PPARG: variants seen among roughly 807,000 people sequenced by gnomAD.
PPARG encodes the protein peroxisome proliferator activated receptor gamma.
PPARG carries 17 observed loss-of-function variants against 39.2 expected under a neutral mutation model. That is an observed-to-expected ratio of 0.43 (90% confidence interval 0.30 to 0.65). The LOEUF (loss-of-function observed/expected upper bound fraction) is 0.65. Among genes scored for constraint, PPARG ranks in the 30% least tolerant of loss-of-function variants. PPARG has a pLI of 0.13. For synonymous variants in PPARG, 223 were observed against 215.7 expected, an observed-to-expected ratio of 1.03 and a Z score of -0.30; for missense variants, 406 against 585.9, an observed-to-expected ratio of 0.69 and a Z score of 3.17.
At chr3:12,351,224 TCTCTG>T (rs1202326667) in intron 2 of PPARG, among the ~76,000 whole-genome samples, 1 of 152,200 alleles carries the variant, frequency 6.6e-6, no homozygotes, top group Non-Finnish European at 1.5e-5. Context: ...TATTGAACAG[TCTCTG>T]CTCTGATAAT....
chr3:12,313,961 T>C (rs1425653331), intron 2 of PPARG, among the ~76,000 whole-genome samples: 2 of 152,182 alleles, frequency 1.3e-5, no homozygotes, highest in Non-Finnish European at 2.9e-5. Context: ...AATTGCTGCA[T>C]GCAACTTCCA....
chr3:12,370,046 T>G (rs944360501), intron 2 of PPARG, among the ~76,000 whole-genome samples: 2 of 152,146 alleles, frequency 1.3e-5, no homozygotes, highest in African/African-American at 4.8e-5. Flanking sequence ...TCCCATCTTT[T>G]CTCTTCTTGG....
chr3:12,292,890 C>G (rs1230783525), intron 1 of PPARG, among the ~76,000 whole-genome samples: 10 of 152,178 alleles, frequency 6.6e-5, no homozygotes. Context: ...ACTGGCAAGC[C>G]ACTCTGCCCA....
At chr3:12,394,328 T>C (rs796739979) in intron 5 of PPARG, among the ~76,000 whole-genome samples, 4 of 152,366 alleles carry the variant, frequency 2.6e-5, no homozygotes, top group African/African-American at 7.2e-5. Flanking sequence ...CATACATTGA[T>C]GTAAAATATA....
intron 2 of PPARG, among the ~76,000 whole-genome samples, chr3:12,371,273 C>A (rs1171555205): frequency 6.6e-6 from 1 of 152,110 alleles, no homozygotes; most frequent in East Asian, 1.9e-4. Flanking sequence ...TGGATTGGAA[C>A]CTCGGGCATC....
At chr3:12,393,733 A>T (rs1226004741) in intron 5 of PPARG, among the ~76,000 whole-genome samples, 1 of 152,128 alleles carries the variant, frequency 6.6e-6, no homozygotes, top group African/African-American at 2.4e-5. Flanking sequence ...GTAAGAAGGC[A>T]GTCTTCATCT....
intron 2 of PPARG, among the ~76,000 whole-genome samples, chr3:12,329,166 C>CAA (rs35196430): frequency 1.6e-5 from 2 of 125,388 alleles, no homozygotes; most frequent in African/African-American, 6.0e-5. Flanking sequence ...ACTCAAAATG[C>CAA]AAAAAAAAAA....
intron 2 of PPARG, among the ~76,000 whole-genome samples, chr3:12,349,040 C>T (rs1375953735): frequency 6.6e-6 from 1 of 152,090 alleles, no homozygotes; most frequent in Non-Finnish European, 1.5e-5. Flanking sequence ...TGTACTTAAA[C>T]AAATATATTG....
intron 2 of PPARG, among the ~76,000 whole-genome samples, chr3:12,343,783 T>G (rs750278722): frequency 1.3e-5 from 2 of 151,970 alleles, no homozygotes; most frequent in Non-Finnish European, 2.9e-5. Context: ...CAGCCCATTA[T>G]CTAATCATAA....
rs115041696 is a variant in PPARG, at chr3:12,357,392, C to T, written c.-8-22312C>T. Among the ~76,000 whole-genome samples the T allele has an allele frequency of 9.7e-3, 1,476 of 152,202 alleles. 9 individuals carry two copies. The highest frequency in any genetic ancestry group is 0.015 in the Non-Finnish European group (1,044 of 68,010). ...CACCTGCCCCAGCTCTTGTTCCTGT[C>T]CAGGACCCTCTTCCTCTGGCATTCT... is the stretch of plus-strand genomic sequence containing the variant. On this transcript the variant is annotated intron_variant, in intron 2 of 7. Transcript: ENST00000651735.
intron 2 of PPARG, among the ~76,000 whole-genome samples, chr3:12,324,639 A>G (rs938248962): frequency 6.6e-5 from 10 of 152,174 alleles, no homozygotes; most frequent in Non-Finnish European, 1.5e-4. Context: ...CTTTCTAAGC[A>G]TTCTGGAATG....
chr3:12,413,640 C>T (rs577545374), intron 6 of PPARG, among the ~76,000 whole-genome samples: 37 of 151,254 alleles, frequency 2.4e-4, no homozygotes, highest in African/African-American at 8.5e-4. Flanking sequence ...GAAACCCCGT[C>T]TATACTAAAA....
chr3:12,385,611 A>G (rs1000403737), intron 4 of PPARG, among the ~76,000 whole-genome samples: 1 of 152,152 alleles, frequency 6.6e-6, no homozygotes, highest in Non-Finnish European at 1.5e-5. Context: ...TTTTGGAACC[A>G]TAGCCGTACC....
At chr3:12,291,617 C>T (rs926025025) in intron 1 of PPARG, among the ~76,000 whole-genome samples, 4 of 152,084 alleles carry the variant, frequency 2.6e-5, no homozygotes, top group African/African-American at 9.7e-5. Flanking sequence ...AAAATCTATT[C>T]AGATGCAATA....
At chr3:12,418,922 T>TTTG (rs755611466) in intron 7 of PPARG, among the ~76,000 whole-genome samples, 1 of 152,018 alleles carries the variant, frequency 6.6e-6, no homozygotes, top group Non-Finnish European at 1.5e-5. Context: ...ATTGTGGGTT[T>TTTG]TTGTTGTTGT....
chr3:12,408,614 G>A lies in PPARG; in HGVS notation c.729+2533G>A, dbSNP rs575817993. On this transcript the variant is annotated intron_variant, in intron 6 of 7. Coordinates refer to ENST00000651735, the MANE Select transcript of PPARG (RefSeq NM_138711.6). ...GGTGGGGTCTTGCTTTGTTGCCCAG[G>A]TGGGAGTGTCTTCTTATATTGGTCA... is the stretch of plus-strand genomic sequence containing the variant. Among the ~76,000 whole-genome samples, 9 of 144,074 alleles carry A rather than the reference G, an allele frequency of 6.2e-5. 1 individual carries two copies. In the South Asian group the frequency reaches 1.3e-3, roughly 21 times the overall value. The allele number at this position is 144,074 out of a possible 152,430, so 94.5% of individuals were successfully genotyped here.
chr3:12,322,996 G>A (rs1255237259), intron 2 of PPARG, among the ~76,000 whole-genome samples: 1 of 151,614 alleles, frequency 6.6e-6, no homozygotes, highest in Non-Finnish European at 1.5e-5. Context: ...AATAGAGGTG[G>A]AATCTCGCTA....
At chr3:12,325,833 A>G (rs1304874211) in intron 2 of PPARG, among the ~76,000 whole-genome samples, 1 of 152,154 alleles carries the variant, frequency 6.6e-6, no homozygotes, top group Non-Finnish European at 1.5e-5. Flanking sequence ...TTGTGAATTG[A>G]CTGACAGTGG....
At chr3:12,298,522 G>C (rs2046851856) in intron 1 of PPARG, among the ~76,000 whole-genome samples, 1 of 152,002 alleles carries the variant, frequency 6.6e-6, no homozygotes, top group South Asian at 2.1e-4. Context: ...TTTGACAGCG[G>C]TTACAGATTA....
Sources: allele counts gnomAD v4.1 joint callset (sites outside exome capture counted in the v4.1 genomes callset), GRCh38; gene constraint gnomAD v4.1.1; transcripts MANE v1.5; gene names NCBI Gene and HGNC (gene_info 2026-07-23, HGNC 2026-07-21).